Variants in ALDH1A2 observed in about 807,000 individuals in gnomAD.
The protein encoded by ALDH1A2 is aldehyde dehydrogenase 1 family member A2.
A neutral mutation model predicts 60.3 loss-of-function variants in ALDH1A2; 27 were observed. The observed-to-expected ratio is 0.45, with a 90% CI of 0.33 to 0.62. ALDH1A2 has a LOEUF of 0.62. ALDH1A2 is among the 20% of genes least tolerant of loss of function. The pLI, the probability that ALDH1A2 is intolerant of heterozygous loss-of-function variation, is 0.02. For synonymous variants in ALDH1A2, 289 were observed against 232.4 expected, an observed-to-expected ratio of 1.24 and a Z score of -2.21; for missense variants, 581 against 643.8, an observed-to-expected ratio of 0.90 and a Z score of 1.06.
chr15:57,960,424 A>G (rs2140448169), intron 12 of ALDH1A2, among the ~76,000 whole-genome samples: 1 of 152,320 alleles, frequency 6.6e-6, no homozygotes, highest in African/African-American at 2.4e-5. Flanking sequence ...TGTTACTTCC[A>G]GGAAAAACGG....
intron 1 of ALDH1A2, among the ~76,000 whole-genome samples, chr15:58,028,928 T>C (rs1044344351): frequency 1.3e-5 from 2 of 152,118 alleles, no homozygotes; most frequent in Non-Finnish European, 2.9e-5. Context: ...CAAAGAGACT[T>C]AGACTCCCAC....
intron 7 of ALDH1A2, among the ~76,000 whole-genome samples, chr15:57,966,470 A>G (rs1249447328): frequency 6.6e-6 from 1 of 152,192 alleles, no homozygotes; most frequent in Non-Finnish European, 1.5e-5. Flanking sequence ...ATGAAAATGA[A>G]AGTGTCATAA....
chr15:58,065,110 G>T (rs1897141704), intron 1 of ALDH1A2: 1 of 285,982 alleles, frequency 3.5e-6, no homozygotes, highest in Non-Finnish European at 6.8e-6. Context: ...GGGACCAACA[G>T]CCGAGGGGCC....
chr15:57,968,267 A>T (rs1205556619), intron 7 of ALDH1A2, among the ~76,000 whole-genome samples: 1 of 152,216 alleles, frequency 6.6e-6, no homozygotes, highest in African/African-American at 2.4e-5. Context: ...TTAGATACTT[A>T]CAAGCATTAT....
chr15:58,022,186 G>A (rs1455039001), intron 1 of ALDH1A2, among the ~76,000 whole-genome samples: 1 of 152,046 alleles, frequency 6.6e-6, no homozygotes, highest in African/African-American at 2.4e-5. Flanking sequence ...AGCCCATCTG[G>A]CCTCACTTTG....
At position 57,962,468 on chromosome 15, in the gene ALDH1A2, G is replaced by A. The variant is rs1893754520; in HGVS notation, c.1087-292C>T. ...AATGTTTCAAAATGATGGAGACACT[G>A]GCTAATTTACTATTCAATGTTCATA... On this transcript the variant is annotated intron_variant, in intron 9 of 12. Transcript: ENST00000249750. Among the ~76,000 whole-genome samples the A allele has an allele frequency of 3.9e-5, 6 of 152,132 alleles. No individual in the cohort carries two copies. The South Asian group carries it at 1.2e-3, about 32-fold the overall frequency.
At chr15:58,041,715 T>C (rs1729747277) in intron 1 of ALDH1A2, among the ~76,000 whole-genome samples, 1 of 151,920 alleles carries the variant, frequency 6.6e-6, no homozygotes, top group African/African-American at 2.4e-5. Flanking sequence ...CCTAATACTA[T>C]CACCTTTGTA....
At chr15:57,999,038 A>G (rs747550042) in intron 4 of ALDH1A2, among the ~76,000 whole-genome samples, 1 of 152,068 alleles carries the variant, frequency 6.6e-6, no homozygotes, top group Non-Finnish European at 1.5e-5. Flanking sequence ...TACATCTTAT[A>G]CAAAAATTAC....
chr15:58,048,992 C>T (rs1896707024), intron 1 of ALDH1A2, among the ~76,000 whole-genome samples: 1 of 151,986 alleles, frequency 6.6e-6, no homozygotes, highest in African/African-American at 2.4e-5. Context: ...CTGACCCTCA[C>T]ATTCCAAACA....
At chr15:58,018,038 C>T (rs1181517311) in intron 1 of ALDH1A2, among the ~76,000 whole-genome samples, 3 of 152,160 alleles carry the variant, frequency 2.0e-5, no homozygotes, top group African/African-American at 7.2e-5. Flanking sequence ...TAGGCAATGT[C>T]GAAAGTTTTG....
chr15:58,027,021 A>C (rs1896097893), intron 1 of ALDH1A2, among the ~76,000 whole-genome samples: 1 of 152,186 alleles, frequency 6.6e-6, no homozygotes, highest in Non-Finnish European at 1.5e-5. Context: ...TGAAGACAGC[A>C]GTGGTTTTCC....
chr15:58,014,405 GTGTTT>G lies in ALDH1A2; in HGVS notation c.118-129_118-125del, dbSNP rs1407360961. The G allele has an allele frequency of 4.7e-6, 4 of 845,886 alleles. No individual in the cohort carries two copies. The African/African-American group carries it at 6.7e-5, about 14-fold the overall frequency. The allele number at this position is 845,886 out of a possible 1,614,324, so 52.4% of individuals were successfully genotyped here. On this transcript the variant is annotated intron_variant, in intron 1 of 12. Coordinates refer to ENST00000249750, the MANE Select transcript of ALDH1A2 (RefSeq NM_003888.4). ...GTATAATAAAAGTATACAATTTGAA[GTGTTT>G]TAAGAGACCCTTCTAGACTCAACGC...
rs9325 is a variant in ALDH1A2, at chr15:57,953,788, T to G, written c.*1409A>C. On this transcript the variant is annotated 3_prime_UTR_variant, in exon 13 of 13. Transcript: ENST00000249750. ...ATATATATGTTGCCCATATTCCACA[T>G]ACTCTGGGTTATGTTTGGTACTTTT... The G allele has an allele frequency of 6.6e-6, 1 of 152,258 alleles. No homozygotes were observed. Among genetic ancestry groups the G allele is most frequent in the African/African-American group, 2.4e-5 (1 of 41,412 alleles). 9.4% of individuals were successfully genotyped at this position (152,258 alleles called of 1,614,324 possible).
intron 7 of ALDH1A2, chr15:57,979,791 C>A: frequency 4.0e-6 from 1 of 249,640 alleles, no homozygotes; most frequent in South Asian, 6.6e-5. Context: ...TGCCAGCACC[C>A]AAGGGAGCCC....
intron 1 of ALDH1A2, among the ~76,000 whole-genome samples, chr15:58,029,363 C>T (rs952016977): frequency 4.6e-5 from 7 of 152,242 alleles, no homozygotes; most frequent in South Asian, 2.1e-4. Flanking sequence ...AAAGACACAA[C>T]GTACCAGAAT....
intron 4 of ALDH1A2, among the ~76,000 whole-genome samples, chr15:58,005,779 A>G (rs1358133162): frequency 1.3e-5 from 2 of 151,888 alleles, no homozygotes; most frequent in Admixed American, 6.6e-5. Context: ...GACACTCACT[A>G]TGAAAGCCCC....
At chr15:57,980,287 C>T in intron 7 of ALDH1A2, 2 of 400,392 alleles carry the variant, frequency 5.0e-6, no homozygotes, top group East Asian at 6.9e-5. Flanking sequence ...GAGACACCTG[C>T]ATGTGCCTCA....
intron 7 of ALDH1A2, among the ~76,000 whole-genome samples, chr15:57,974,447 A>G (rs1455428471): frequency 1.6e-5 from 2 of 127,656 alleles, no homozygotes; most frequent in Admixed American, 7.6e-5. Context: ...AAAAAAAAAA[A>G]AAAAAAGAAA....
rs548074061 is a variant in ALDH1A2, at chr15:57,976,071, C to T, written c.799-10244G>A. Among the ~76,000 whole-genome samples, 21 of 152,308 alleles carry T rather than the reference C, an allele frequency of 1.4e-4. No homozygotes were observed. In the South Asian group the frequency reaches 3.9e-3, roughly 29 times the overall value. On this transcript the variant is annotated intron_variant, in intron 7 of 12. Transcript: ENST00000249750. ...ATTACAGAAATTATGCCATATATCT[C>T]TTTGTTGTCCTTTGCAGACTACTGG...
Sources: allele counts gnomAD v4.1 joint callset (sites outside exome capture counted in the v4.1 genomes callset), GRCh38; gene constraint gnomAD v4.1.1; transcripts MANE v1.5; gene names NCBI Gene and HGNC (gene_info 2026-07-23, HGNC 2026-07-21).